MAPK10: variants seen among roughly 807,000 people sequenced by gnomAD.
MAPK10 encodes JNK3 alpha protein kinase.
MAPK10 carries 25 observed loss-of-function variants against 59.3 expected under a neutral mutation model. That is an observed-to-expected ratio of 0.42 (90% confidence interval 0.31 to 0.59). The LOEUF is 0.59. Among genes scored for constraint, MAPK10 ranks in the 20% least tolerant of loss-of-function variants. The pLI is 0.15. For missense variants in MAPK10, 351 were observed against 568.9 expected, an observed-to-expected ratio of 0.62 and a Z score of 3.90; for synonymous variants, 190 against 200.5, an observed-to-expected ratio of 0.95 and a Z score of 0.44.
chr4:86,440,292 C>T lies in MAPK10; in HGVS notation c.-122+12738G>A, dbSNP rs573543651. Among the ~76,000 whole-genome samples the T allele has an allele frequency of 2.6e-5, 4 of 152,224 alleles. No individual in the cohort carries two copies. In the South Asian group the frequency reaches 8.3e-4, roughly 32 times the overall value. ...GAACATAGAGCTATATATATTTATA[C>T]ACATATACATGCCAACACACACAAG... is the stretch of plus-strand genomic sequence containing the variant. On this transcript the variant is annotated intron_variant, in intron 1 of 13. Coordinates refer to the MAPK10 transcript ENST00000361569.
Position 86,015,023 on chromosome 4 carries a change from A to C in MAPK10, c.*2205T>G, listed in dbSNP as rs955119409. ...GAGAAGTTTTTAAAAAAAAAAAAAAAAAACAGGAATATGAAAGAGAGGGAG... is the reference window on the plus strand; with the variant it reads ...GAGAAGTTTTTAAAAAAAAAAAAAACAAACAGGAATATGAAAGAGAGGGAG... On this transcript the variant is annotated 3_prime_UTR_variant, in exon 14 of 14. Coordinates refer to ENST00000641462, the MANE Select transcript of MAPK10 (RefSeq NM_138982.4). 6.6e-6 allele frequency: 1 copy of C among 151,972 alleles called. No homozygotes were observed. Among genetic ancestry groups the C allele is most frequent in the Admixed American group, 6.6e-5 (1 of 15,264 alleles). The allele number at this position is 151,972 out of a possible 1,614,324, so 9.4% of individuals were successfully genotyped here. A position where few individuals can be genotyped will look rare whatever the true frequency, so the allele number is the denominator to read the frequency against.
At chr4:86,548,120 T>G (rs1024933850) in intron 1 of MAPK10, among the ~76,000 whole-genome samples, 4 of 152,154 alleles carry the variant, frequency 2.6e-5, no homozygotes, top group African/African-American at 9.7e-5. Flanking sequence ...GGGTCCACAC[T>G]GCTTTTATGA....
chr4:86,433,379 G>T (rs865833209), intron 1 of MAPK10, among the ~76,000 whole-genome samples: 18 of 151,996 alleles, frequency 1.2e-4, no homozygotes, highest in African/African-American at 4.1e-4. Context: ...AAATACAAAA[G>T]GTTGGACTCC....
chr4:86,028,915 C>A (rs1399230464), intron 13 of MAPK10: 1 of 427,456 alleles, frequency 2.3e-6, no homozygotes, highest in African/African-American at 2.0e-5. Flanking sequence ...TGATGAGGCA[C>A]ATTTACCCTT....
intron 1 of MAPK10, among the ~76,000 whole-genome samples, chr4:86,531,441 G>A (rs1233925315): frequency 6.6e-6 from 1 of 152,112 alleles, no homozygotes; most frequent in Non-Finnish European, 1.5e-5. Flanking sequence ...TATTATTGTT[G>A]ATACTACTAT....
chr4:86,228,339 C>A (rs1351856751), intron 2 of MAPK10, among the ~76,000 whole-genome samples: 1 of 152,172 alleles, frequency 6.6e-6, no homozygotes, highest in Non-Finnish European at 1.5e-5. Context: ...GAGGGGCAAT[C>A]TCTCCAGGAT....
chr4:86,298,300 C>T (rs952604038), intron 2 of MAPK10, among the ~76,000 whole-genome samples: 16 of 152,056 alleles, frequency 1.1e-4, no homozygotes, highest in Non-Finnish European at 1.8e-4. Flanking sequence ...AATTCCTCCC[C>T]AAATCCTGAC....
chr4:86,089,469 G>C, intron 9 of MAPK10: 1 of 484,126 alleles, frequency 2.1e-6, no homozygotes, highest in Non-Finnish European at 3.6e-6. Context: ...GCCCTTTTCT[G>C]TCATATAACA....
At position 86,076,151 on chromosome 4, in the gene MAPK10, G is replaced by A. The variant is rs147880740; in HGVS notation, c.803-8196C>T. On this transcript the variant is annotated intron_variant, in intron 9 of 13. Coordinates refer to ENST00000641462, the MANE Select transcript of MAPK10 (RefSeq NM_138982.4). ...TGCAATATTCGGGTGGGAGTGACCC[G>A]ATTTTCCAGGTGCGTCTGTCACCCG... is the stretch of plus-strand genomic sequence containing the variant. 2.0e-3 allele frequency among the ~76,000 whole-genome samples: 306 copies of A among 152,270 alleles called. 3 individuals carry two copies. The highest frequency in any genetic ancestry group is 0.015 in the East Asian group (76 of 5,154).
chr4:86,408,184 A>G (rs534347261), intron 1 of MAPK10, among the ~76,000 whole-genome samples: 1 of 151,886 alleles, frequency 6.6e-6, no homozygotes, highest in Admixed American at 6.6e-5. Flanking sequence ...GTTTGCTTAG[A>G]ATGGTGGTTT....
At chr4:86,367,370 A>C (rs1296805306) in intron 1 of MAPK10, among the ~76,000 whole-genome samples, 3 of 152,122 alleles carry the variant, frequency 2.0e-5, no homozygotes, top group Non-Finnish European at 4.4e-5. Flanking sequence ...TACTATTAGA[A>C]TATAAGATTT....
intron 9 of MAPK10, among the ~76,000 whole-genome samples, chr4:86,082,943 T>TA (rs1247492247): frequency 1.3e-5 from 2 of 152,166 alleles, no homozygotes; most frequent in Admixed American, 1.3e-4. Flanking sequence ...TCAGGCAAAA[T>TA]ACCTGTGTCA....
At chr4:86,482,622 T>G (rs1328861580) in intron 1 of MAPK10, among the ~76,000 whole-genome samples, 8 of 152,106 alleles carry the variant, frequency 5.3e-5, no homozygotes, top group African/African-American at 9.7e-5. Flanking sequence ...TAAGCACTGT[T>G]TTGACAAAAA....
intron 3 of MAPK10, among the ~76,000 whole-genome samples, chr4:86,180,858 G>T (rs2076784464): frequency 6.6e-6 from 1 of 152,022 alleles, no homozygotes. Flanking sequence ...ATGGGTAAGG[G>T]TTGGGGGAAA....
chr4:86,358,406 A>G (rs1001468200), intron 1 of MAPK10: 3 of 982,888 alleles, frequency 3.1e-6, no homozygotes, highest in Non-Finnish European at 2.4e-6. Flanking sequence ...ACTGTAGTCT[A>G]TCCCATATGA....
chr4:86,561,467 A>G (rs1760674416), intron 1 of MAPK10, among the ~76,000 whole-genome samples: 2 of 152,230 alleles, frequency 1.3e-5, no homozygotes, highest in Non-Finnish European at 2.9e-5. Context: ...TTTCTTACTG[A>G]GAGCAATTCT....
intron 1 of MAPK10, among the ~76,000 whole-genome samples, chr4:86,539,381 C>T (rs1355933752): frequency 3.9e-5 from 6 of 152,166 alleles, no homozygotes; most frequent in Non-Finnish European, 7.3e-5. Flanking sequence ...TTGCACAAAA[C>T]CCTCTGAAGC....
intron 10 of MAPK10, among the ~76,000 whole-genome samples, chr4:86,067,557 T>C (rs888094678): frequency 6.6e-6 from 1 of 152,188 alleles, no homozygotes; most frequent in Non-Finnish European, 1.5e-5. Flanking sequence ...TGATCAATGT[T>C]TTAGGTGATG....
At chr4:86,430,565 T>G (rs1022707212) in intron 1 of MAPK10, among the ~76,000 whole-genome samples, 6 of 152,100 alleles carry the variant, frequency 3.9e-5, no homozygotes, top group Non-Finnish European at 7.4e-5. Flanking sequence ...TAGAGTTGGG[T>G]CAAGAGCTAT....
Sources: gnomAD v4.1 joint callset for allele counts (sites outside exome capture counted in the v4.1 genomes callset) on GRCh38, gnomAD v4.1.1 for gene constraint, MANE v1.5 for transcripts, NCBI Gene and HGNC (gene_info 2026-07-23, HGNC 2026-07-21) for gene names.